PAGE2: variants seen among roughly 807,000 people sequenced by gnomAD.
The protein encoded by PAGE2 is PAGE family member 2, also known as P antigen family member 2.
Under a neutral mutation model 7.5 loss-of-function variants are expected in PAGE2, and 6 were observed. The observed-to-expected ratio is 0.80, with a 90% CI of 0.44 to 1.57. The LOEUF (loss-of-function observed/expected upper bound fraction) is 1.57. Ranked by LOEUF, PAGE2 falls within the 40% of genes most tolerant of loss-of-function variation. PAGE2 has a pLI of 0.01. For missense variants in PAGE2, 72 were observed against 76.4 expected, an observed-to-expected ratio of 0.94 and a Z score of 0.21; for synonymous variants, 22 against 25.4, an observed-to-expected ratio of 0.87 and a Z score of 0.41.
intron 4 of PAGE2, 111 bp downstream of exon 4, chrX:55,091,568 T>C (rs1936656514): frequency 9.0e-7 from 1 of 1,105,125 alleles, no homozygotes; most frequent in Non-Finnish European, 1.2e-6. Flanking sequence ...CGTCTGAAGG[T>C]TCTTTGAATG....
intron 1 of PAGE2, chrX:55,089,392 TGA>T (rs1391565784): frequency 9.0e-6 from 1 of 110,598 alleles, no homozygotes; most frequent in East Asian, 2.8e-4. Flanking sequence ...TGGAACCCTC[TGA>T]GAGAGGACAG....
At chrX:55,090,700 A>G (rs1288710306) in intron 3 of PAGE2, 90 bp downstream of exon 3, 8 of 535,275 alleles carry the variant, frequency 1.5e-5, no homozygotes, top group Non-Finnish European at 2.4e-5. Flanking sequence ...GGAGGACAGA[A>G]AGCATTAGGA....
chrX:55,090,303 T>C (rs935106311), intron 2 of PAGE2, among the ~76,000 whole-genome samples, 199 bp downstream of exon 2: 6 of 103,780 alleles, frequency 5.8e-5, no homozygotes, highest in African/African-American at 2.3e-4. Flanking sequence ...TCTCTCTCTA[T>C]CTCTATGTAT....
chrX:55,090,486 A>G lies in PAGE2; in HGVS notation c.85-16A>G. 9 of 1,171,644 alleles carry G rather than the reference A, an allele frequency of 7.7e-6. 1 individual carries two copies. On this transcript the variant is annotated splice_polypyrimidine_tract_variant and intron_variant, in intron 2 of 4. Transcript: ENST00000374968. ...TATTATTGACTTTTTATTCACACAC[A>G]CACTTACACCCTTAGGTCCAGGAGC... is the stretch of plus-strand genomic sequence containing the variant.
chrX:55,090,519 G>A lies in PAGE2; in HGVS notation c.102G>A (p.Glu34=), dbSNP rs756413029. Reference sequence around the variant, plus strand: ...ACCCTTAGGTCCAGGAGCCCACTGAGGAAAAACGTCAAGAAGAGGAACCAC... The same window carrying A: ...ACCCTTAGGTCCAGGAGCCCACTGAAGAAAAACGTCAAGAAGAGGAACCAC... ...VGSVIVQEPT[E]EKRQEEEPPT... Residue 34 remains glutamate, a synonymous_variant, in exon 3 of 5, where the codon GAG becomes GAA. Transcript: ENST00000374968. 8.3e-7 allele frequency: 1 copy of A among 1,205,252 alleles called. No homozygotes were observed. Among genetic ancestry groups the A allele is most frequent in the East Asian group, 3.0e-5 (1 of 33,794 alleles).
At chrX:55,090,328 GTCTATCTATCTA>G (rs35160510) in intron 2 of PAGE2, among the ~76,000 whole-genome samples, 162 bp from the exon 3 acceptor site, 49 of 102,049 alleles carry the variant, frequency 4.8e-4, no homozygotes, top group Middle Eastern at 4.9e-3. Context: ...CTGTCTGTCT[GTCTATCTATCTA>G]TCTATCTATC....
Position 55,089,085 on chromosome X carries a change from A to G in PAGE2, c.-27A>G. On this transcript the variant is annotated 5_prime_UTR_variant, in exon 1 of 5. Transcript: ENST00000374968. Reference sequence around the variant, plus strand: ...CTTTCCGCCATCTTGATTCTTTCTCACTGACCAAGACTCAGCCGGTAGGTC... The same window carrying G: ...CTTTCCGCCATCTTGATTCTTTCTCGCTGACCAAGACTCAGCCGGTAGGTC... The G allele has an allele frequency of 9.0e-6, 1 of 111,675 alleles. No homozygotes were observed. The highest frequency in any genetic ancestry group is 3.7e-4 in the South Asian group (1 of 2,734). The allele number at this position is 111,675 out of a possible 1,213,427, so 9.2% of individuals were successfully genotyped here.
intron 3 of PAGE2, 24 bp from the exon 4 acceptor site, chrX:55,091,308 T>C (rs374766097): frequency 3.6e-4 from 433 of 1,203,931 alleles, no homozygotes; most frequent in South Asian, 1.3e-3. Flanking sequence ...AATTTGTAAA[T>C]TGATGACCTT....
At chrX:55,091,257 GGAATAAA>G in intron 3 of PAGE2, 68 bp from the exon 4 acceptor site, 1 of 1,182,513 alleles carries the variant, frequency 8.5e-7, no homozygotes, top group Non-Finnish European at 1.1e-6. Flanking sequence ...TAATGATGAG[GGAATAAA>G]TACTATCATT....
chrX:55,091,209 A>T, intron 3 of PAGE2, 123 bp from the exon 4 acceptor site: 3 of 1,090,384 alleles, frequency 2.8e-6, no homozygotes, highest in Non-Finnish European at 3.6e-6. Context: ...TCCTGGCAGC[A>T]GATTCCTGAA....
chrX:55,091,355 C>T lies in PAGE2; in HGVS notation c.217C>T (p.Gln73Ter). The change falls in exon 4 of 5, where the codon CAG becomes TAG. Residue 73 changes from glutamine to a stop codon, truncating the protein, a stop_gained. Coordinates refer to ENST00000374968, the MANE Select transcript of PAGE2 (RefSeq NM_207339.4). LOFTEE classifies it high-confidence loss of function. ...AGGGCCTGACATGGAAGCTTTTCAA[C>T]AGGAACTGGCTCTGCTTAAGATAGA... ...FQGPDMEAFQ[Q>*]ELALLKIEDE... 8.3e-7 allele frequency: 1 copy of T among 1,206,891 alleles called. No homozygotes were observed. The highest frequency in any genetic ancestry group is 1.1e-6 in the Non-Finnish European group (1 of 894,380).
rs1016533739 is a variant in PAGE2, at chrX:55,090,364, ATCATC to A, written c.85-136_85-132del. On this transcript the variant is annotated intron_variant, in intron 2 of 4. Coordinates refer to ENST00000374968, the MANE Select transcript of PAGE2 (RefSeq NM_207339.4). ...TATCTATCTATCTATCTATCTATCT[ATCATC>A]TATCTATCTATATGTGTGTGTATGT... 15 of 612,177 alleles carry A rather than the reference ATCATC, an allele frequency of 2.5e-5. 1 individual carries two copies. The African/African-American group carries it at 3.4e-4, about 14-fold the overall frequency. 50.5% of individuals were successfully genotyped at this position (612,177 alleles called of 1,213,427 possible).
At chrX:55,090,328 G>A (rs7883220) in intron 2 of PAGE2, among the ~76,000 whole-genome samples, 174 bp from the exon 3 acceptor site, 3,983 of 101,970 alleles carry the variant, frequency 0.039, 293 homozygotes, top group African/African-American at 0.14. Context: ...CTGTCTGTCT[G>A]TCTATCTATC....
chrX:55,089,752 C>T (rs1936637106), intron 1 of PAGE2, among the ~76,000 whole-genome samples: 1 of 110,283 alleles, frequency 9.1e-6, no homozygotes, highest in African/African-American at 3.4e-5. Context: ...GATGGAGAGT[C>T]TAATTGTGAA....
chrX:55,091,385 G>GCTTA lies in PAGE2; in HGVS notation c.247_248insCTTA (p.Glu83AlafsTer2), dbSNP rs1936654455. 1 of 1,204,376 alleles carries GCTTA rather than the reference G, an allele frequency of 8.3e-7. No individual in the cohort carries two copies. The highest frequency in any genetic ancestry group is 1.8e-5 in the African/African-American group (1 of 54,848). ...ACTGGCTCTGCTTAAGATAGAGGAT[G>GCTTA]AGCCTGGAGATGGTCCTGATGTCAG... On this transcript the variant is annotated stop_gained and frameshift_variant, in exon 4 of 5. Coordinates refer to ENST00000374968, the MANE Select transcript of PAGE2 (RefSeq NM_207339.4). LOFTEE classifies it high-confidence loss of function.
At position 55,091,442 on chromosome X, in the gene PAGE2, A is replaced by G; in HGVS notation, c.304A>G (p.Lys102Glu). The change falls in exon 4 of 5, where the codon AAA (lysine) becomes GAA (glutamate). Residue 102 changes from lysine to glutamate, a missense_variant. Transcript: ENST00000374968. The part of the protein sequence containing the change: ...EGIMPTFDLT[K>E]VLEAGDAQP ...TATTATGCCCACTTTTGATCTCACT[A>G]AAGTGCTGGAAGCAGGTTTGTTATT... is the stretch of plus-strand genomic sequence containing the variant. The G allele has an allele frequency of 5.8e-6, 7 of 1,205,130 alleles. No individual in the cohort carries two copies. Among genetic ancestry groups the G allele is most frequent in the Non-Finnish European group, 7.8e-6 (7 of 893,805 alleles).
chrX:55,090,061 G>C lies in PAGE2; in HGVS notation c.41G>C (p.Arg14Thr). ...LLRARSQSSE[R>T]GNDQESSQPV... ...AGAGCAAGATCCCAATCCTCAGAAA[G>C]AGGAAATGACCAAGAGTCTTCCCAG... The change falls in exon 2 of 5, where the codon AGA becomes ACA. Residue 14 changes from arginine to threonine, a missense_variant. Physicochemically the swap from Arg to Thr is moderately conservative, Grantham distance 71. Transcript: ENST00000374968. 1.7e-6 allele frequency: 2 copies of C among 1,205,056 alleles called. No individual in the cohort carries two copies. The highest frequency in any genetic ancestry group is 1.8e-5 in the African/African-American group (1 of 56,103).
chrX:55,090,324 G>GTCTA (rs754486473), intron 2 of PAGE2, among the ~76,000 whole-genome samples, 178 bp from the exon 3 acceptor site: 2,303 of 93,334 alleles, frequency 0.025, 120 homozygotes, highest in African/African-American at 0.084. Context: ...GTATCTGTCT[G>GTCTA]TCTGTCTATC....
chrX:55,090,356 A>ATCTATCTC, intron 2 of PAGE2, 146 bp from the exon 3 acceptor site: 1 of 588,187 alleles, frequency 1.7e-6, no homozygotes, highest in South Asian at 3.1e-5. Context: ...CTATCTATCT[A>ATCTATCTC]TCTATCTATC....
Sources: allele counts gnomAD v4.1 joint callset (sites outside exome capture counted in the v4.1 genomes callset), GRCh38; gene constraint gnomAD v4.1.1; transcripts MANE v1.5; gene names NCBI Gene and HGNC (gene_info 2026-07-23, HGNC 2026-07-21).